The following MUC3A variants were observed in gnomAD, a reference collection of about 807,000 sequenced individuals.
The protein encoded by MUC3A is mucin-3A.
In MUC3A, 109 loss-of-function variants were observed where a neutral mutation model predicts 109.0. The observed-to-expected ratio is 1.00, with a 90% CI of 0.86 to 1.17. MUC3A has a LOEUF of 1.17. Ranked by LOEUF, MUC3A falls within the 50% of genes most tolerant of loss-of-function variation. The pLI is 0.00. For missense variants in MUC3A, 3,537 were observed against 2,469.4 expected (o/e 1.43, Z -9.16); for synonymous variants, 1,398 against 981.4 (o/e 1.42, Z -7.93).
chr7:100,953,629 C>T lies in MUC3A; in HGVS notation c.1850C>T (p.Thr617Ile), dbSNP rs1398996323. 2.9e-6 allele frequency: 1 copy of T among 348,240 alleles called. No homozygotes were observed. Among genetic ancestry groups the T allele is most frequent in the Admixed American group, 5.9e-5 (1 of 16,906 alleles). 21.6% of individuals were successfully genotyped at this position (348,240 alleles called of 1,614,324 possible). The change falls in exon 2 of 12, where the codon ACA becomes ATA. Residue 617 changes from threonine (T) to isoleucine (I), a missense_variant. By Grantham distance (89) the Thr-to-Ile change is moderately conservative (BLOSUM62 -1). Transcript: ENST00000379458. The part of the protein sequence containing the change: ...TFPETTTPTP[T>I]TDMSTESLTT... ...CCTGAGACCACCACACCGACTCCTA[C>T]AACTGACATGTCCACAGAATCTCTC...
chr7:100,963,843 G>A, intron 5 of MUC3A, 91 bp downstream of exon 5: 1 of 1,561,002 alleles, frequency 6.4e-7, no homozygotes. Flanking sequence ...GTAATCATCA[G>A]ATTTTATAAA....
chr7:100,962,833 C>CT (rs370441264), intron 3 of MUC3A, among the ~76,000 whole-genome samples: 2 of 9,888 alleles, frequency 2.0e-4, no homozygotes, highest in Admixed American at 8.1e-4. Flanking sequence ...TTCTTTCTTT[C>CT]TTTTTCTCTC....
chr7:100,959,768 C>A lies in MUC3A; in HGVS notation c.7989C>A (p.Phe2663Leu). The part of the protein sequence containing the change: ...TSTSEFTTES[F>L]TRGSTSTNAI... ...CAAGTGAGTTCACTACAGAATCTTT[C>A]ACTAGGGGAAGTACGTCTACAAATG... The change falls in exon 2 of 12, where the codon TTC becomes TTA. Residue 2663 changes from phenylalanine (F) to leucine (L), a missense_variant. Physicochemically the swap from Phe to Leu is conservative, Grantham distance 22 (BLOSUM62 0). Transcript: ENST00000379458. The A allele has an allele frequency of 6.3e-7, 1 of 1,597,900 alleles. No homozygotes were observed. The highest frequency in any genetic ancestry group is 8.5e-7 in the Non-Finnish European group (1 of 1,179,516).
intron 8 of MUC3A, 94 bp from the exon 9 acceptor site, chr7:100,966,292 G>A (rs587672863): frequency 8.0e-6 from 10 of 1,242,580 alleles, no homozygotes; most frequent in Middle Eastern, 3.1e-4. Flanking sequence ...CTAGGCTGGA[G>A]CCCCGCCCCC....
chr7:100,962,159 G>T (rs1792349305), intron 3 of MUC3A, among the ~76,000 whole-genome samples: 1 of 59,464 alleles, frequency 1.7e-5, no homozygotes, highest in Non-Finnish European at 4.0e-5. Context: ...GTGAACCCGG[G>T]AGGCGGAGCT....
intron 6 of MUC3A, 95 bp from the exon 7 acceptor site, chr7:100,965,187 C>G: frequency 6.5e-7 from 1 of 1,539,060 alleles, no homozygotes. Flanking sequence ...GCCCTCACTG[C>G]CCTCCCTGTG....
Position 100,966,022 on chromosome 7 carries a change from T to G in MUC3A, c.9611+156T>G, listed in dbSNP as rs905311258. ...CAAGCCCATCCCCGTTGCCCTACAG[T>G]GGAGCCCTGCCCTGGAGCTCTGCTC... On this transcript the variant is annotated intron_variant, in intron 8 of 11. Coordinates refer to ENST00000379458, the MANE Select transcript of MUC3A (RefSeq NM_005960.2). 25 of 1,127,478 alleles carry G rather than the reference T, an allele frequency of 2.2e-5. No individual in the cohort carries two copies. The African/African-American group carries it at 3.9e-4, about 18-fold the overall frequency. The allele number at this position is 1,127,478 out of a possible 1,614,324, so 69.8% of individuals were successfully genotyped here. A position where few individuals can be genotyped will look rare whatever the true frequency, so the allele number is the denominator to read the frequency against.
At chr7:100,964,871 G>T in intron 6 of MUC3A, 28 bp downstream of exon 6, 1 of 1,581,292 alleles carries the variant, frequency 6.3e-7, no homozygotes, top group East Asian at 2.3e-5. Context: ...GGAGGGGCCA[G>T]GGCCTGAGGT....
intron 5 of MUC3A, 21 bp downstream of exon 5, chr7:100,963,773 T>C: frequency 6.3e-7 from 1 of 1,598,548 alleles, no homozygotes; most frequent in Non-Finnish European, 8.5e-7. Context: ...CATCTGGGGA[T>C]GCGGAGGCGG....
rs1280287059 is a variant in MUC3A, at chr7:100,967,506, GCCCTC to G, written c.*347_*351del. On this transcript the variant is annotated 3_prime_UTR_variant, in exon 12 of 12. Coordinates refer to ENST00000379458, the MANE Select transcript of MUC3A (RefSeq NM_005960.2). Reference sequence around the variant, plus strand: ...CTTGGTCAATTCTCGGTCCTACTCTGCCCTCCCGTCTCAGCCCTCGTGTTGCCATT... The same window carrying G: ...CTTGGTCAATTCTCGGTCCTACTCTGCCGTCTCAGCCCTCGTGTTGCCATT... 1.9e-6 allele frequency: 1 copy of G among 516,952 alleles called. No individual in the cohort carries two copies. Among genetic ancestry groups the G allele is most frequent in the Non-Finnish European group, 3.4e-6 (1 of 291,912 alleles). 32.0% of individuals were successfully genotyped at this position (516,952 alleles called of 1,614,324 possible). A position where few individuals can be genotyped will look rare whatever the true frequency, so the allele number is the denominator to read the frequency against.
intron 5 of MUC3A, chr7:100,964,084 A>G (rs1447073636): frequency 1.6e-5 from 8 of 493,600 alleles, no homozygotes; most frequent in South Asian, 7.1e-5. Flanking sequence ...AGAGAAAGAG[A>G]GAGAGGGAGA....
chr7:100,965,088 T>A, intron 6 of MUC3A, 194 bp from the exon 7 acceptor site: 1 of 1,146,384 alleles, frequency 8.7e-7, no homozygotes, highest in Non-Finnish European at 1.2e-6. Context: ...GCTGAAGACC[T>A]CGGATTATTC....
At position 100,952,085 on chromosome 7, in the gene MUC3A, C is replaced by T. The variant is rs780486098; in HGVS notation, c.306C>T (p.Thr102=). ...LNSPVSSNTS[T]TPTSKFAFKV... is the part of the protein sequence containing the mutation. ...CTCCAGTCAGTTCCAACACCTCAAC[C>T]ACCCCGACGTCCAAGTTTGCCTTCA... is the stretch of plus-strand genomic sequence containing the variant. The change falls in exon 2 of 12, where the codon ACC becomes ACT. Residue 102 remains threonine, a synonymous_variant. Transcript: ENST00000379458. 6.3e-7 allele frequency: 1 copy of T among 1,598,652 alleles called. No homozygotes were observed. The highest frequency in any genetic ancestry group is 8.5e-7 in the Non-Finnish European group (1 of 1,179,818).
rs1420306330 is a variant in MUC3A, at chr7:100,957,467, C to T, written c.5688C>T (p.Thr1896=). The T allele has an allele frequency of 1.7e-6, 2 of 1,168,686 alleles. No homozygotes were observed. Among genetic ancestry groups the T allele is most frequent in the South Asian group, 2.7e-5 (1 of 37,694 alleles). 72.4% of individuals were successfully genotyped at this position (1,168,686 alleles called of 1,614,324 possible). A position where few individuals can be genotyped will look rare whatever the true frequency, so the allele number is the denominator to read the frequency against. The part of the protein sequence containing the change: ...TVPTTNLVTT[T]TKITSHSTPS... The stretch of plus-strand genomic sequence containing the variant: ...CAACAACAAACTTGGTAACCACGAC[C>T]ACCAAGATCACCTCACACAGTACTC... The change falls in exon 2 of 12, where the codon ACC becomes ACT. Residue 1896 remains threonine (T), a synonymous_variant. Transcript: ENST00000379458.
intron 3 of MUC3A, among the ~76,000 whole-genome samples, chr7:100,961,222 G>A (rs1221066834): frequency 6.6e-6 from 1 of 152,308 alleles, no homozygotes; most frequent in East Asian, 1.9e-4. Flanking sequence ...ACACAAATCT[G>A]GCTGCTGGAA....
At position 100,959,221 on chromosome 7, in the gene MUC3A, GT is replaced by G. The variant is rs2116195197; in HGVS notation, c.7443del (p.Ser2481ArgfsTer23). Reference protein sequence around the residue: ...TPTPVTPSSLSTDIPTTSLRT... With the variant: ...TPTPVTPSSLXTDIPTTSLRT... ...ACACCTGTAACCCCATCTTCTCTGA[GT>G]ACAGACATCCCGACCACAAGCCTAC... On this transcript the variant is annotated frameshift_variant, in exon 2 of 12. Transcript: ENST00000379458. LOFTEE classifies it high-confidence loss of function. 6.3e-7 allele frequency: 1 copy of G among 1,598,456 alleles called. No homozygotes were observed. Among genetic ancestry groups the G allele is most frequent in the Non-Finnish European group, 8.5e-7 (1 of 1,179,770 alleles).
rs1792281254 is a variant in MUC3A at position 100,960,412 on chromosome 7, T to G, written c.8633T>G (p.Val2878Gly). Residue 2878 changes from valine to glycine, a missense_variant, in exon 2 of 12, where the codon GTG (valine) becomes GGG (glycine). Val to Gly is a moderately radical substitution (Grantham distance 109, BLOSUM62 -3). Transcript: ENST00000379458. ...TSETWLSNSS[V>G]IPLPLPGVST... is the part of the protein sequence containing the mutation. ...GAGACCTGGCTGAGCAACAGTTCTG[T>G]GATCCCCCTACCTCTTCCTGGCGTC... 3 of 1,598,554 alleles carry G rather than the reference T, an allele frequency of 1.9e-6. No individual in the cohort carries two copies. Among genetic ancestry groups the G allele is most frequent in the Non-Finnish European group, 2.5e-6 (3 of 1,179,824 alleles).
rs2116178287 is a variant in MUC3A at position 100,956,857 on chromosome 7, C to T, written c.5078C>T (p.Thr1693Ile). The T allele has an allele frequency of 2.4e-6, 1 of 414,338 alleles. No individual in the cohort carries two copies. The highest frequency in any genetic ancestry group is 4.2e-6 in the Non-Finnish European group (1 of 236,898). The allele number at this position is 414,338 out of a possible 1,614,324, so 25.7% of individuals were successfully genotyped here. The change falls in exon 2 of 12, where the codon ACA (threonine) becomes ATA (isoleucine). Residue 1693 changes from threonine (T) to isoleucine (I), a missense_variant. Transcript: ENST00000379458. The stretch of plus-strand genomic sequence containing the variant: ...GCCATCACCAGTACACTCCACACAA[C>T]AGCTGAATCCACCCCATCACCTACA... Reference protein sequence around the residue: ...PPAITSTLHTTAESTPSPTTT... With the variant: ...PPAITSTLHTIAESTPSPTTT...
In MUC3A at chr7:100,959,132, A is replaced by T; in HGVS notation, c.7353A>T (p.Thr2451=). ...TCAGTTCTTCAACCATCTACTCCAC[A>T]GTCAGCACATCCACAACTGCCATCA... The part of the protein sequence containing the change: ...PSLSSSTIYS[T]VSTSTTAITS... The change falls in exon 2 of 12, where the codon ACA becomes ACT. Residue 2451 remains threonine (T), a synonymous_variant. Coordinates refer to ENST00000379458, the MANE Select transcript of MUC3A (RefSeq NM_005960.2). 7.1e-7 allele frequency: 1 copy of T among 1,418,026 alleles called. No individual in the cohort carries two copies. Among genetic ancestry groups the T allele is most frequent in the Non-Finnish European group, 9.2e-7 (1 of 1,090,684 alleles). 87.8% of individuals were successfully genotyped at this position (1,418,026 alleles called of 1,614,324 possible). A position where few individuals can be genotyped will look rare whatever the true frequency, so the allele number is the denominator to read the frequency against.
Sources: allele counts gnomAD v4.1 joint callset (sites outside exome capture counted in the v4.1 genomes callset), GRCh38; gene constraint gnomAD v4.1.1; transcripts MANE v1.5; gene names NCBI Gene and HGNC (gene_info 2026-07-23, HGNC 2026-07-21).